SPEF2: variants seen among roughly 807,000 people sequenced by gnomAD.
SPEF2 encodes sperm flagellar and cilia associated 2, also known as sperm flagella and cilia-associated protein 2.
Under a neutral mutation model 224.6 loss-of-function variants are expected in SPEF2, and 187 were observed. The ratio of observed to expected loss-of-function variants is 0.83; its 90% CI spans 0.74 to 0.94. The LOEUF is 0.94. Among genes scored for constraint, SPEF2 ranks in the 40% least tolerant of loss-of-function variants. The pLI, the probability that SPEF2 is intolerant of heterozygous loss-of-function variation, is 0.00. For synonymous variants in SPEF2, 715 were observed against 707.3 expected (o/e 1.01, Z -0.17); for missense variants, 2,170 against 2,135.6 (o/e 1.02, Z -0.32).
chr5:35,678,920 C>T (rs913229967), intron 10 of SPEF2, among the ~76,000 whole-genome samples: 20 of 152,162 alleles, frequency 1.3e-4, no homozygotes, highest in African/African-American at 4.8e-4. Flanking sequence ...ACACTTTCTG[C>T]CTCTTCTAAG....
intron 23 of SPEF2, among the ~76,000 whole-genome samples, chr5:35,751,022 T>C (rs1435664232): frequency 2.0e-5 from 2 of 100,516 alleles, no homozygotes; most frequent in Non-Finnish European, 4.0e-5. Context: ...CGTATATATA[T>C]ACGTATATAT....
chr5:35,671,444 C>T (rs144454027), intron 10 of SPEF2: 86 of 976,992 alleles, frequency 8.8e-5, no homozygotes, highest in Admixed American at 6.2e-4. Flanking sequence ...TTGTTTTGTA[C>T]GGTTGTAAAA....
intron 18 of SPEF2, among the ~76,000 whole-genome samples, chr5:35,706,382 G>T (rs1285092513): frequency 1.3e-5 from 2 of 151,848 alleles, no homozygotes; most frequent in Non-Finnish European, 2.9e-5. Context: ...AAACTGCACA[G>T]ATCGCCTTCC....
chr5:35,677,654 T>C (rs1752212978), intron 10 of SPEF2, among the ~76,000 whole-genome samples: 1 of 152,194 alleles, frequency 6.6e-6, no homozygotes, highest in Non-Finnish European at 1.5e-5. Context: ...CCTATCATTT[T>C]GGGGTGACTG....
chr5:35,632,995 T>C (rs2149381287), intron 2 of SPEF2: 1 of 152,338 alleles, frequency 6.6e-6, no homozygotes, highest in African/African-American at 2.4e-5. Context: ...TAAAACCTGC[T>C]AGACAAATTC....
At chr5:35,719,714 C>T (rs762665482) in intron 20 of SPEF2, among the ~76,000 whole-genome samples, 1 of 152,158 alleles carries the variant, frequency 6.6e-6, no homozygotes, top group East Asian at 1.9e-4. Flanking sequence ...CTCCACCTCC[C>T]AGGCTCAAGC....
chr5:35,812,734 A>C (rs1471040060), intron 36 of SPEF2, among the ~76,000 whole-genome samples: 1 of 152,240 alleles, frequency 6.6e-6, no homozygotes, highest in Non-Finnish European at 1.5e-5. Context: ...TTTTAATGTT[A>C]ACATTAGAAT....
At chr5:35,808,519 G>A (rs954596014) in intron 36 of SPEF2, among the ~76,000 whole-genome samples, 10 of 151,764 alleles carry the variant, frequency 6.6e-5, no homozygotes, top group Middle Eastern at 3.2e-3. Flanking sequence ...CTGTCCTTGC[G>A]ATAGTTTGCT....
Position 35,660,875 on chromosome 5 carries a change from T to C in SPEF2, c.1167+1668T>C, listed in dbSNP as rs187247223. Reference sequence around the variant, plus strand: ...AACTAACTTCAGAGGACCGGAACAGTTGGGCCTGCTAAAGCCTGAGAGACC... The same window carrying C: ...AACTAACTTCAGAGGACCGGAACAGCTGGGCCTGCTAAAGCCTGAGAGACC... On this transcript the variant is annotated intron_variant, in intron 8 of 36. Coordinates refer to ENST00000356031, the MANE Select transcript of SPEF2 (RefSeq NM_024867.4). 4.2e-4 allele frequency among the ~76,000 whole-genome samples: 64 copies of C among 152,284 alleles called. 1 individual carries two copies. The East Asian group carries it at 0.012, about 28-fold the overall frequency.
At chr5:35,762,460 G>A (rs950825433) in intron 25 of SPEF2, among the ~76,000 whole-genome samples, 17 of 152,188 alleles carry the variant, frequency 1.1e-4, no homozygotes, top group African/African-American at 4.1e-4. Context: ...AATTTAATTT[G>A]TGGGTAGATG....
In SPEF2 at chr5:35,807,176, C is replaced by A. The variant is rs769479360; in HGVS notation, c.5302C>A (p.Pro1768Thr). 9.3e-6 allele frequency: 15 copies of A among 1,613,694 alleles called. No individual in the cohort carries two copies. In the Middle Eastern group the frequency reaches 4.9e-4, roughly 53 times the overall value. Residue 1768 changes from proline (P) to threonine (T), a missense_variant, in exon 36 of 37, where the codon CCA (proline) becomes ACA (threonine). Coordinates refer to ENST00000356031, the MANE Select transcript of SPEF2 (RefSeq NM_024867.4). ...AGACCTAGGTGCCAAGAACCTGGAG[C>A]CAATTGAAGTCGCTGTTCTCTTGAA... ...FQDLGAKNLEPIEVAVLLKHP... is the reference protein window; with the variant it reads ...FQDLGAKNLETIEVAVLLKHP...
Position 35,702,227 on chromosome 5 carries a change from G to A in SPEF2, c.2398+1475G>A, listed in dbSNP as rs79147747. Reference sequence around the variant, plus strand: ...CAACATGCAGTTCTGCAGTGCTCGGGGTCTATGGAGGAACCTGAAGAACAT... The same window carrying A: ...CAACATGCAGTTCTGCAGTGCTCGGAGTCTATGGAGGAACCTGAAGAACAT... On this transcript the variant is annotated intron_variant, in intron 16 of 36. Transcript: ENST00000356031. 948 of 456,192 alleles carry A rather than the reference G, an allele frequency of 2.1e-3. 5 individuals are homozygous for A. The highest frequency in any genetic ancestry group is 0.017 in the African/African-American group (861 of 50,162). 28.3% of individuals were successfully genotyped at this position (456,192 alleles called of 1,614,324 possible). A position where few individuals can be genotyped will look rare whatever the true frequency, so the allele number is the denominator to read the frequency against.
intron 16 of SPEF2, among the ~76,000 whole-genome samples, chr5:35,701,458 T>C (rs1023490031): frequency 2.0e-5 from 3 of 152,138 alleles, no homozygotes; most frequent in Non-Finnish European, 4.4e-5. Flanking sequence ...TAGGACAGAA[T>C]CTGGCACATG....
intron 2 of SPEF2, among the ~76,000 whole-genome samples, chr5:35,634,738 C>T (rs1745588132): frequency 6.6e-6 from 1 of 152,044 alleles, no homozygotes; most frequent in Admixed American, 6.6e-5. Flanking sequence ...AAATCATTGA[C>T]ATAATACAGA....
At chr5:35,811,699 A>G (rs1425406747) in intron 36 of SPEF2, among the ~76,000 whole-genome samples, 1 of 151,984 alleles carries the variant, frequency 6.6e-6, no homozygotes, top group African/African-American at 2.4e-5. Flanking sequence ...GAAAGCACTC[A>G]ATATATATGA....
intron 19 of SPEF2, chr5:35,709,624 C>T: frequency 7.1e-6 from 7 of 981,470 alleles, no homozygotes; most frequent in Non-Finnish European, 8.4e-6. Flanking sequence ...AAACAAGCTC[C>T]TGCCATCTCA....
At chr5:35,628,645 G>A (rs2149370258) in intron 2 of SPEF2, 83 bp downstream of exon 2, 1 of 924,456 alleles carries the variant, frequency 1.1e-6, no homozygotes, top group African/African-American at 1.7e-5. Flanking sequence ...AGACTGGAGT[G>A]CAGTAGCGTG....
In SPEF2 at chr5:35,740,040, A is replaced by G; in HGVS notation, c.3185A>G (p.Glu1062Gly). The G allele has an allele frequency of 6.2e-7, 1 of 1,614,122 alleles. No individual in the cohort carries two copies. The highest frequency in any genetic ancestry group is 8.5e-7 in the Non-Finnish European group (1 of 1,180,010). The change falls in exon 22 of 37, where the codon GAG (glutamate) becomes GGG (glycine). Residue 1062 changes from glutamate (E) to glycine (G), a missense_variant. Transcript: ENST00000356031. ...DQHTVLAYLY[E>G]IRTSFQEFLK... is the part of the protein sequence containing the mutation. ...CATACTGTGCTTGCTTACTTATATG[A>G]GATTAGGTAAGTAATGTTTCCAAAG...
At chr5:35,621,173 A>G (rs1441264405) in intron 1 of SPEF2, among the ~76,000 whole-genome samples, 1 of 152,250 alleles carries the variant, frequency 6.6e-6, no homozygotes, top group Non-Finnish European at 1.5e-5. Flanking sequence ...TATCGTAAGC[A>G]TATTATAATA....
Sources: gnomAD v4.1 joint callset for allele counts (sites outside exome capture counted in the v4.1 genomes callset) on GRCh38, gnomAD v4.1.1 for gene constraint, MANE v1.5 for transcripts, NCBI Gene and HGNC (gene_info 2026-07-23, HGNC 2026-07-21) for gene names.